Variants in PPP4R2 observed in about 807,000 individuals in gnomAD.
The protein encoded by PPP4R2 is serine/threonine-protein phosphatase 4 regulatory subunit 2.
A neutral mutation model predicts 47.2 loss-of-function variants in PPP4R2; 13 were observed. That is an observed-to-expected ratio of 0.28 (90% CI 0.18 to 0.44). The LOEUF is 0.44. Ranked by LOEUF, PPP4R2 falls within the 20% of genes least tolerant of loss-of-function variation. The probability of loss-of-function intolerance (pLI) is 1.00; values close to 1 mark genes in which losing one functional copy is unlikely to be tolerated. For synonymous variants in PPP4R2, 151 were observed against 163.3 expected (o/e 0.92, Z 0.57); for missense variants, 421 against 491.2 (o/e 0.86, Z 1.35).
At chr3:73,045,542 T>TTG (rs1702464801) in intron 2 of PPP4R2, among the ~76,000 whole-genome samples, 1 of 151,240 alleles carries the variant, frequency 6.6e-6, no homozygotes, top group African/African-American at 2.4e-5. Flanking sequence ...TTTTTTTTTT[T>TTG]GGAAATGGAG....
At chr3:73,055,550 AAAAAATTT>A (rs1702715492) in intron 3 of PPP4R2, among the ~76,000 whole-genome samples, 1 of 151,736 alleles carries the variant, frequency 6.6e-6, no homozygotes, top group Non-Finnish European at 1.5e-5. Flanking sequence ...GCACTGTTTT[AAAAAATTT>A]GAGATGCTAG....
At chr3:73,015,255 C>G (rs1317577206) in intron 2 of PPP4R2, among the ~76,000 whole-genome samples, 1 of 152,196 alleles carries the variant, frequency 6.6e-6, no homozygotes, top group Non-Finnish European at 1.5e-5. Flanking sequence ...TCTCAGCTCA[C>G]TGCCACCTCT....
intron 5 of PPP4R2, chr3:73,062,217 T>C (rs2231924): frequency 0.52 from 821,089 of 1,589,304 alleles, 213,889 homozygotes; most frequent in African/African-American, 0.62. Flanking sequence ...GAACCAATTT[T>C]CCACAATGTC....
At chr3:73,005,451 G>T (rs1225458706) in intron 2 of PPP4R2, among the ~76,000 whole-genome samples, 2 of 151,416 alleles carry the variant, frequency 1.3e-5, no homozygotes, top group Admixed American at 6.6e-5. Flanking sequence ...GTTGTCTTTG[G>T]TTTTTTTGTT....
intron 2 of PPP4R2, among the ~76,000 whole-genome samples, chr3:73,042,155 G>T (rs1310863261): frequency 6.6e-6 from 1 of 152,092 alleles, no homozygotes; most frequent in Non-Finnish European, 1.5e-5. Flanking sequence ...GGGATTTTAT[G>T]TGGAGAAATT....
chr3:73,052,998 GTGT>G (rs1275792709), intron 3 of PPP4R2, among the ~76,000 whole-genome samples: 2 of 152,246 alleles, frequency 1.3e-5, no homozygotes, highest in Non-Finnish European at 2.9e-5. Context: ...TTCAGTTTGT[GTGT>G]TGTTTGCTTT....
intron 2 of PPP4R2, among the ~76,000 whole-genome samples, chr3:73,021,014 C>T (rs1230074505): frequency 6.6e-6 from 1 of 152,076 alleles, no homozygotes; most frequent in African/African-American, 2.4e-5. Context: ...TAAGGGCACA[C>T]ATTTGGTATG....
At chr3:73,000,782 A>G (rs778486655) in intron 2 of PPP4R2, among the ~76,000 whole-genome samples, 8 of 152,216 alleles carry the variant, frequency 5.3e-5, no homozygotes, top group Non-Finnish European at 1.2e-4. Flanking sequence ...CACTCTTCTG[A>G]AGGTAATGTA....
intron 2 of PPP4R2, among the ~76,000 whole-genome samples, chr3:73,037,086 A>T (rs1245695928): frequency 6.6e-6 from 1 of 152,150 alleles, no homozygotes; most frequent in Non-Finnish European, 1.5e-5. Context: ...GCTGTATATC[A>T]CATGGATTGG....
At chr3:73,001,763 T>C (rs9843247) in intron 2 of PPP4R2, among the ~76,000 whole-genome samples, 80,256 of 151,880 alleles carry the variant, frequency 0.53, 21,597 homozygotes, top group African/African-American at 0.62. Flanking sequence ...CTCAGCCTCC[T>C]GAGTAGCTGG....
At chr3:73,039,692 G>A (rs76345983) in intron 2 of PPP4R2, among the ~76,000 whole-genome samples, 4,440 of 152,264 alleles carry the variant, frequency 0.029, 102 homozygotes, top group Middle Eastern at 0.054. Flanking sequence ...AGAGGCCAGG[G>A]ATGTAGCTCC....
Position 73,010,459 on chromosome 3 carries a change from A to G in PPP4R2, c.116+12301A>G, listed in dbSNP as rs973189033. On this transcript the variant is annotated intron_variant, in intron 2 of 8. Transcript: ENST00000356692. The stretch of plus-strand genomic sequence containing the variant: ...CATTTGCAGCTATAAGTGTCATAGT[A>G]TCTCTCTTGTCTCTATGCTTGTAAT... Among the ~76,000 whole-genome samples, 6 of 152,124 alleles carry G rather than the reference A, an allele frequency of 3.9e-5. No homozygotes were observed. In the East Asian group the frequency reaches 9.6e-4, roughly 24 times the overall value.
intron 5 of PPP4R2, among the ~76,000 whole-genome samples, 160 bp from the exon 6 acceptor site, chr3:73,063,513 A>C (rs1575893317): frequency 6.6e-6 from 1 of 151,996 alleles, no homozygotes; most frequent in Admixed American, 6.6e-5. Flanking sequence ...CATCCCAGCT[A>C]CTTGGGAGGC....
At chr3:73,060,280 A>AT (rs1273989503) in intron 4 of PPP4R2, among the ~76,000 whole-genome samples, 10 of 152,202 alleles carry the variant, frequency 6.6e-5, no homozygotes, top group African/African-American at 2.4e-4. Flanking sequence ...GGAAACTGAG[A>AT]TGGCTCATCA....
At chr3:73,017,436 G>A (rs1041658584) in intron 2 of PPP4R2, among the ~76,000 whole-genome samples, 2 of 152,188 alleles carry the variant, frequency 1.3e-5, no homozygotes, top group Non-Finnish European at 2.9e-5. Flanking sequence ...AGTGACAGCA[G>A]TGCTGACCAC....
At chr3:73,021,578 T>G (rs1701960333) in intron 2 of PPP4R2, among the ~76,000 whole-genome samples, 2 of 152,050 alleles carry the variant, frequency 1.3e-5, no homozygotes, top group South Asian at 4.1e-4. Context: ...TTAGATACTT[T>G]CAACATAAAT....
Position 73,012,515 on chromosome 3 carries a change from A to G in PPP4R2, c.116+14357A>G, listed in dbSNP as rs371531888. Among the ~76,000 whole-genome samples the G allele has an allele frequency of 1.9e-3, 283 of 152,128 alleles. 2 individuals are homozygous for G. The highest frequency in any genetic ancestry group is 6.4e-3 in the African/African-American group (266 of 41,510). ...ACTGTGTTTCACCATGTTAGCCAGG[A>G]TGGTCTTGATCTCCTGACCTCATGA... On this transcript the variant is annotated intron_variant, in intron 2 of 8. Coordinates refer to ENST00000356692, the MANE Select transcript of PPP4R2 (RefSeq NM_174907.4).
Position 73,065,424 on chromosome 3 carries a change from T to A in PPP4R2, c.956T>A (p.Ile319Asn). 1.9e-6 allele frequency: 3 copies of A among 1,603,340 alleles called. No homozygotes were observed. The highest frequency in any genetic ancestry group is 2.6e-6 in the Non-Finnish European group (3 of 1,175,432). The stretch of plus-strand genomic sequence containing the variant: ...TCTTTTATGACATCAAGAGAAATGA[T>A]CCCAGAAAGAAAAAATCAAGAAAAA... ...EESFMTSREM[I>N]PERKNQEKES... The change falls in exon 9 of 9, where the codon ATC (isoleucine) becomes AAC (asparagine). Residue 319 changes from isoleucine (I) to asparagine (N), a missense_variant. Ile to Asn is a moderately radical substitution (Grantham distance 149, BLOSUM62 -3). Transcript: ENST00000356692.
Position 73,052,233 on chromosome 3 carries a change from A to ATTTC in PPP4R2, c.287+4885_287+4888dup, listed in dbSNP as rs1312733155. On this transcript the variant is annotated intron_variant, in intron 3 of 8. Transcript: ENST00000356692. Reference sequence around the variant, plus strand: ...TAGAAGAATCACAATGGAATGCTTAATTTCTTTCTTTTCTTTTTTTTTTTG... The same window carrying ATTTC: ...TAGAAGAATCACAATGGAATGCTTAATTTCTTTCTTTCTTTTCTTTTTTTTTTTG... Among the ~76,000 whole-genome samples the ATTTC allele has an allele frequency of 5.1e-5, 6 of 117,830 alleles. No individual in the cohort carries two copies. The East Asian group carries it at 6.9e-4, about 14-fold the overall frequency. 77.3% of individuals were successfully genotyped at this position (117,830 alleles called of 152,430 possible). A position where few individuals can be genotyped will look rare whatever the true frequency, so the allele number is the denominator to read the frequency against.
Sources: allele counts gnomAD v4.1 joint callset (sites outside exome capture counted in the v4.1 genomes callset), GRCh38; gene constraint gnomAD v4.1.1; transcripts MANE v1.5; gene names NCBI Gene and HGNC (gene_info 2026-07-23, HGNC 2026-07-21).